Variants in ADI1 observed in about 807,000 individuals in gnomAD.
ADI1 encodes acireductone dioxygenase.
In ADI1, 21 loss-of-function variants were observed where a neutral mutation model predicts 18.7. That is an observed-to-expected ratio of 1.13 (90% CI 0.80 to 1.62). ADI1 has a LOEUF of 1.62. Among genes scored for constraint, ADI1 ranks in the 40% most tolerant of loss-of-function variants. The probability of loss-of-function intolerance (pLI) is 0.00; values close to 1 mark genes in which losing one functional copy is unlikely to be tolerated. For synonymous variants in ADI1, 90 were observed against 100.1 expected, an observed-to-expected ratio of 0.90 and a Z score of 0.60; for missense variants, 245 against 254.9, an observed-to-expected ratio of 0.96 and a Z score of 0.26.
intron 3 of ADI1, among the ~76,000 whole-genome samples, 171 bp from the exon 4 acceptor site, chr2:3,499,253 G>A (rs1306773819): frequency 6.6e-6 from 1 of 152,234 alleles, no homozygotes; most frequent in African/African-American, 2.4e-5. Context: ...AGGAAAATTT[G>A]TATCAGGTGG....
At chr2:3,516,122 G>C (rs946794053) in intron 1 of ADI1, 2 of 893,980 alleles carry the variant, frequency 2.2e-6, no homozygotes, top group African/African-American at 3.6e-5. Flanking sequence ...AGTATTAAGG[G>C]GTGGGACCTT....
intron 2 of ADI1, among the ~76,000 whole-genome samples, chr2:3,506,746 TGAA>T (rs1486699186): frequency 6.6e-6 from 1 of 152,152 alleles, no homozygotes; most frequent in Non-Finnish European, 1.5e-5. Flanking sequence ...AACACAATAT[TGAA>T]GAAGAACAAA....
At chr2:3,518,240 G>GTT (rs1250955677) in intron 1 of ADI1, among the ~76,000 whole-genome samples, 1 of 152,158 alleles carries the variant, frequency 6.6e-6, no homozygotes, top group African/African-American at 2.4e-5. Flanking sequence ...TCCCTCTTCT[G>GTT]TTATTTAGGA....
chr2:3,518,746 A>C (rs1667463589), intron 1 of ADI1, among the ~76,000 whole-genome samples: 2 of 152,120 alleles, frequency 1.3e-5, no homozygotes, highest in African/African-American at 4.8e-5. Context: ...GATAGAAGAA[A>C]CCCCTGGGCC....
intron 1 of ADI1, chr2:3,517,648 C>T (rs1265580653): frequency 6.6e-6 from 1 of 152,050 alleles, no homozygotes; most frequent in East Asian, 1.9e-4. Flanking sequence ...ACCTTGTAAT[C>T]CCAGCTACTC....
Position 3,498,772 on chromosome 2 carries a change from G to T in ADI1, c.*191C>A. On this transcript the variant is annotated 3_prime_UTR_variant, in exon 4 of 4. Coordinates refer to ENST00000327435, the MANE Select transcript of ADI1 (RefSeq NM_018269.4). Reference sequence around the variant, plus strand: ...TGATTGAGTTACAGAAAATGAAGGTGACTCTTTACACTTCCAAGTTGCTTT... The same window carrying T: ...TGATTGAGTTACAGAAAATGAAGGTTACTCTTTACACTTCCAAGTTGCTTT... The T allele has an allele frequency of 1.2e-6, 1 of 850,454 alleles. No individual in the cohort carries two copies. 52.7% of individuals were successfully genotyped at this position (850,454 alleles called of 1,614,324 possible).
chr2:3,515,661 C>A (rs1667390366), intron 1 of ADI1: 1 of 152,456 alleles, frequency 6.6e-6, no homozygotes, highest in South Asian at 2.1e-4. Flanking sequence ...CCCTTTGAAG[C>A]CTGTGATATT....
Position 3,513,931 on chromosome 2 carries a change from G to A in ADI1, c.166C>T (p.Arg56Ter), listed in dbSNP as rs759756504. 43 of 1,611,534 alleles carry A rather than the reference G, an allele frequency of 2.7e-5. 1 individual carries two copies. In the Middle Eastern group the frequency reaches 9.9e-4, roughly 37 times the overall value. Residue 56 changes from arginine to a stop codon, truncating the protein, a stop_gained, in exon 2 of 4, where the codon CGA (arginine) becomes TGA (stop). Transcript: ENST00000327435. LOFTEE classifies it high-confidence loss of function. ...ATCCAGGAGTAGTTCCTCTCTCTTCGGATCTTTTCTAATTCTGGATCATTC... is the reference window on the plus strand; with the variant it reads ...ATCCAGGAGTAGTTCCTCTCTCTTCAGATCTTTTCTAATTCTGGATCATTC... ...YENDPELEKI[R>*]RERNYSWMDI...
chr2:3,500,215 C>T (rs761937542), intron 3 of ADI1, among the ~76,000 whole-genome samples: 1 of 152,072 alleles, frequency 6.6e-6, no homozygotes, highest in Admixed American at 6.6e-5. Flanking sequence ...GACCTTTCAC[C>T]AGGTCCCCTT....
intron 2 of ADI1, 45 bp downstream of exon 2, chr2:3,513,812 G>T: frequency 4.5e-6 from 7 of 1,560,688 alleles, no homozygotes; most frequent in Non-Finnish European, 6.0e-6. Flanking sequence ...TATTAGTAGT[G>T]AATATAATGA....
At chr2:3,518,802 C>G (rs1203986757) in intron 1 of ADI1, among the ~76,000 whole-genome samples, 4 of 152,246 alleles carry the variant, frequency 2.6e-5, no homozygotes, top group African/African-American at 9.6e-5. Flanking sequence ...ACAAGCCCAA[C>G]GAGCCCACGA....
chr2:3,505,126 C>CG (rs1406808226), intron 2 of ADI1, among the ~76,000 whole-genome samples: 2 of 152,188 alleles, frequency 1.3e-5, no homozygotes, highest in African/African-American at 4.8e-5. Context: ...AGTTTACCTG[C>CG]GTATGTTTAT....
intron 2 of ADI1, among the ~76,000 whole-genome samples, 188 bp downstream of exon 2, chr2:3,513,669 G>A (rs1667339320): frequency 6.6e-6 from 1 of 152,162 alleles, no homozygotes; most frequent in African/African-American, 2.4e-5. Context: ...CATGCTTCCT[G>A]TAGAGCCTGC....
intron 2 of ADI1, among the ~76,000 whole-genome samples, chr2:3,503,813 C>T (rs1351171068): frequency 1.3e-5 from 2 of 152,124 alleles, no homozygotes; most frequent in African/African-American, 2.4e-5. Context: ...TCTGGGACAA[C>T]GTGAAGATCA....
chr2:3,503,413 ACG>A lies in ADI1; in HGVS notation c.241-2422_241-2421del, dbSNP rs1358165187. Among the ~76,000 whole-genome samples the A allele has an allele frequency of 1.3e-5, 2 of 151,194 alleles. 1 individual carries two copies. The highest frequency in any genetic ancestry group is 2.9e-5 in the Non-Finnish European group (2 of 67,850). ...CACACGCACATTCACACACATGCAC[ACG>A]TACACACACGAGTGCATTCACACTC... On this transcript the variant is annotated intron_variant, in intron 2 of 3. Coordinates refer to ENST00000327435, the MANE Select transcript of ADI1 (RefSeq NM_018269.4).
At chr2:3,506,746 T>C (rs1667184591) in intron 2 of ADI1, among the ~76,000 whole-genome samples, 1 of 152,152 alleles carries the variant, frequency 6.6e-6, no homozygotes, top group Non-Finnish European at 1.5e-5. Context: ...AACACAATAT[T>C]GAAGAAGAAC....
rs536652899 is a variant in ADI1 at position 3,499,406 on chromosome 2, C to T, written c.421-324G>A. 2.6e-5 allele frequency among the ~76,000 whole-genome samples: 4 copies of T among 152,294 alleles called. No individual in the cohort carries two copies. The East Asian group carries it at 7.7e-4, about 29-fold the overall frequency. ...CTCCAACCCCATGTACCCTCCACCT[C>T]CTCTCCGCCTCATTTGGCTACAGTT... On this transcript the variant is annotated intron_variant, in intron 3 of 3. Coordinates refer to ENST00000327435, the MANE Select transcript of ADI1 (RefSeq NM_018269.4).
At chr2:3,519,297 G>A in intron 1 of ADI1, 71 bp downstream of exon 1, 2 of 1,318,324 alleles carry the variant, frequency 1.5e-6, no homozygotes, top group Non-Finnish European at 9.7e-7. Flanking sequence ...GCACCTGGAG[G>A]AGGCTGGGCT....
At chr2:3,503,933 T>G (rs1387234657) in intron 2 of ADI1, among the ~76,000 whole-genome samples, 1 of 152,032 alleles carries the variant, frequency 6.6e-6, no homozygotes, top group Non-Finnish European at 1.5e-5. Context: ...CTCCTGACAG[T>G]GAAAACCAAC....
Sources: allele counts gnomAD v4.1 joint callset (sites outside exome capture counted in the v4.1 genomes callset), GRCh38; gene constraint gnomAD v4.1.1; transcripts MANE v1.5; gene names NCBI Gene and HGNC (gene_info 2026-07-23, HGNC 2026-07-21).